The following RAB30 variants were observed in gnomAD, a reference collection of about 807,000 sequenced individuals.
RAB30 encodes the protein ras-related protein Rab-30.
RAB30 carries 9 observed loss-of-function variants against 25.1 expected under a neutral mutation model. The observed-to-expected ratio is 0.36, with a 90% CI of 0.22 to 0.63. RAB30 has a LOEUF of 0.63. Among genes scored for constraint, RAB30 ranks in the 20% least tolerant of loss-of-function variants. The probability of loss-of-function intolerance (pLI) is 0.69; values close to 1 mark genes in which losing one functional copy is unlikely to be tolerated. For synonymous variants in RAB30, 77 were observed against 86.4 expected (o/e 0.89, Z 0.60); for missense variants, 140 against 243.5 (o/e 0.58, Z 2.83).
Position 82,974,962 on chromosome 11 carries a change from T to TG in RAB30, c.*7202dup. 6.7e-6 allele frequency: 1 copy of TG among 149,900 alleles called. No homozygotes were observed. The highest frequency in any genetic ancestry group is 2.1e-4 in the South Asian group (1 of 4,790). 9.3% of individuals were successfully genotyped at this position (149,900 alleles called of 1,614,324 possible). A position where few individuals can be genotyped will look rare whatever the true frequency, so the allele number is the denominator to read the frequency against. On this transcript the variant is annotated 3_prime_UTR_variant, in exon 5 of 5. Transcript: ENST00000527633. ...TGTTTTTTCTTTTTTTTTTTTTTTT[T>TG]GCTGAAAACAGAAATTTTGCTCACG...
chr11:83,070,504 T>C (rs1358060829), intron 1 of RAB30, among the ~76,000 whole-genome samples: 3 of 152,190 alleles, frequency 2.0e-5, no homozygotes, highest in Non-Finnish European at 4.4e-5. Context: ...ACTCTGGCAT[T>C]TCTCCTTCTT....
intron 1 of RAB30, chr11:83,041,402 C>T: frequency 5.5e-6 from 1 of 180,718 alleles, no homozygotes. Flanking sequence ...AAGGCACCTC[C>T]ACTGTCTGGA....
chr11:83,061,608 G>GT (rs1258559558), intron 1 of RAB30, among the ~76,000 whole-genome samples: 1 of 151,340 alleles, frequency 6.6e-6, no homozygotes, highest in Non-Finnish European at 1.5e-5. Flanking sequence ...ACGTGTGTGT[G>GT]TATGTGTGTA....
At chr11:83,068,774 C>T (rs1171730083) in intron 1 of RAB30, among the ~76,000 whole-genome samples, 3 of 152,212 alleles carry the variant, frequency 2.0e-5, no homozygotes, top group East Asian at 1.9e-4. Context: ...TTACTACTTC[C>T]GTTTACCCTC....
At chr11:83,043,263 C>T (rs771038981) in intron 1 of RAB30, among the ~76,000 whole-genome samples, 2 of 152,148 alleles carry the variant, frequency 1.3e-5, no homozygotes, top group Non-Finnish European at 2.9e-5. Flanking sequence ...CCCTCTAGAG[C>T]AAAGAAAAGC....
At position 82,977,861 on chromosome 11, in the gene RAB30, T is replaced by TATTA. The variant is rs908786252; in HGVS notation, c.*4303_*4304insTAAT. ...TGAAATGCCATCTCCCTTACTCTAA[T>TATTA]GTTGCTATATTAATATGTGTTTTGA... is the stretch of plus-strand genomic sequence containing the variant. On this transcript the variant is annotated 3_prime_UTR_variant, in exon 5 of 5. Coordinates refer to ENST00000527633, the MANE Select transcript of RAB30 (RefSeq NM_001286060.2). 6 of 152,188 alleles carry TATTA rather than the reference T, an allele frequency of 3.9e-5. No individual in the cohort carries two copies. 9.4% of individuals were successfully genotyped at this position (152,188 alleles called of 1,614,324 possible).
intron 1 of RAB30, chr11:83,034,485 G>A (rs17504704): frequency 0.21 from 32,444 of 152,026 alleles, 4,184 homozygotes; most frequent in Admixed American, 0.28. Context: ...TAAAGGTGAG[G>A]CATATGATAA....
chr11:82,998,101 C>T (rs898322604), intron 1 of RAB30, among the ~76,000 whole-genome samples: 5 of 152,182 alleles, frequency 3.3e-5, no homozygotes, highest in Non-Finnish European at 5.9e-5. Context: ...CTTCTCTGTC[C>T]TAAAACTTCA....
intron 1 of RAB30, among the ~76,000 whole-genome samples, chr11:83,029,908 G>A (rs1952124140): frequency 6.6e-6 from 1 of 152,182 alleles, no homozygotes; most frequent in African/African-American, 2.4e-5. Context: ...GATTGAGCTG[G>A]AAGCCATTAT....
Position 82,976,438 on chromosome 11 carries a change from C to T in RAB30, c.*5727G>A, listed in dbSNP as rs956839140. The T allele has an allele frequency of 5.3e-5, 8 of 152,188 alleles. No homozygotes were observed. The highest frequency in any genetic ancestry group is 1.9e-4 in the African/African-American group (8 of 41,436). 9.4% of individuals were successfully genotyped at this position (152,188 alleles called of 1,614,324 possible). On this transcript the variant is annotated 3_prime_UTR_variant, in exon 5 of 5. Coordinates refer to ENST00000527633, the MANE Select transcript of RAB30 (RefSeq NM_001286060.2). Reference sequence around the variant, plus strand: ...TAATTTGTGGCATACTAGAACTCCTCACACCTAAACTAGTGTTTCCCCTTC... The same window carrying T: ...TAATTTGTGGCATACTAGAACTCCTTACACCTAAACTAGTGTTTCCCCTTC...
At chr11:83,047,586 CAAT>C (rs1173667929) in intron 1 of RAB30, among the ~76,000 whole-genome samples, 1 of 152,116 alleles carries the variant, frequency 6.6e-6, no homozygotes, top group Non-Finnish European at 1.5e-5. Flanking sequence ...ATCCTATTAA[CAAT>C]AATAGAAGAT....
chr11:83,064,071 C>T (rs1015050172), intron 1 of RAB30, among the ~76,000 whole-genome samples: 2 of 152,112 alleles, frequency 1.3e-5, no homozygotes, highest in East Asian at 1.9e-4. Flanking sequence ...TTTCCCTATA[C>T]AGTCCATGTG....
At chr11:83,014,674 GAAA>G (rs1857388399) in intron 1 of RAB30, among the ~76,000 whole-genome samples, 1 of 144,846 alleles carries the variant, frequency 6.9e-6, no homozygotes, top group Admixed American at 7.0e-5. Context: ...AAGAAAGAAA[GAAA>G]GAAAGAAAGA....
At chr11:82,988,885 G>A (rs1856792009) in intron 3 of RAB30, among the ~76,000 whole-genome samples, 1 of 150,670 alleles carries the variant, frequency 6.6e-6, no homozygotes, top group Non-Finnish European at 1.5e-5. Context: ...ATTAGGCTAG[G>A]TTCCCCACCC....
chr11:82,986,625 T>A (rs1856743292), intron 4 of RAB30, among the ~76,000 whole-genome samples: 1 of 152,232 alleles, frequency 6.6e-6, no homozygotes, highest in South Asian at 2.1e-4. Context: ...AGTCCAGCAA[T>A]TTGTTACAAC....
intron 2 of RAB30, among the ~76,000 whole-genome samples, 194 bp downstream of exon 2, chr11:82,997,030 C>G (rs1335566658): frequency 6.6e-6 from 1 of 152,206 alleles, no homozygotes; most frequent in African/African-American, 2.4e-5. Flanking sequence ...CAGGGCCATG[C>G]TCCCGTGAGG....
rs1289014346 is a variant in RAB30, at chr11:82,979,882, A to G, written c.*2283T>C. 1 of 152,176 alleles carries G rather than the reference A, an allele frequency of 6.6e-6. No homozygotes were observed. The highest frequency in any genetic ancestry group is 1.5e-5 in the Non-Finnish European group (1 of 68,018). 9.4% of individuals were successfully genotyped at this position (152,176 alleles called of 1,614,324 possible). ...CCCTTCTGAGTCTGGCCAAGGGTAT[A>G]TAGAGAAGGCTAAACCCTAGGGAAT... On this transcript the variant is annotated 3_prime_UTR_variant, in exon 5 of 5. Coordinates refer to ENST00000527633, the MANE Select transcript of RAB30 (RefSeq NM_001286060.2).
intron 1 of RAB30, among the ~76,000 whole-genome samples, chr11:83,049,476 G>T (rs1170486040): frequency 7.1e-6 from 1 of 140,106 alleles, no homozygotes; most frequent in Admixed American, 7.4e-5. Flanking sequence ...GGGTGCAGGG[G>T]GCAGTTTTTG....
intron 1 of RAB30, chr11:83,071,247 C>T (rs1367233315): frequency 6.6e-6 from 1 of 152,198 alleles, no homozygotes; most frequent in Non-Finnish European, 1.5e-5. Flanking sequence ...CTCGTCCAAG[C>T]GACATTCAAA....
Sources: gnomAD v4.1 joint callset for allele counts (sites outside exome capture counted in the v4.1 genomes callset) on GRCh38, gnomAD v4.1.1 for gene constraint, MANE v1.5 for transcripts, NCBI Gene and HGNC (gene_info 2026-07-23, HGNC 2026-07-21) for gene names.